The following ILKAP variants were observed in gnomAD, a reference collection of about 807,000 sequenced individuals.
ILKAP encodes integrin-linked kinase-associated serine/threonine phosphatase 2C.
Under a neutral mutation model 49.1 loss-of-function variants are expected in ILKAP, and 11 were observed. That is an observed-to-expected ratio of 0.22 (90% CI 0.14 to 0.37). The LOEUF (loss-of-function observed/expected upper bound fraction) is 0.37. Among genes scored for constraint, ILKAP ranks in the 10% least tolerant of loss-of-function variants. The pLI is 1.00. For synonymous variants in ILKAP, 186 were observed against 192.8 expected (o/e 0.96, Z 0.29); for missense variants, 363 against 510.8 (o/e 0.71, Z 2.79).
intron 3 of ILKAP, among the ~76,000 whole-genome samples, chr2:238,190,779 G>A (rs1694086179): frequency 6.7e-6 from 1 of 149,912 alleles, no homozygotes; most frequent in Non-Finnish European, 1.5e-5. Flanking sequence ...AGTGGCACAT[G>A]CCTGCAGTCA....
intron 9 of ILKAP, 109 bp from the exon 10 acceptor site, chr2:238,173,762 G>A (rs992999943): frequency 2.1e-5 from 27 of 1,258,926 alleles, no homozygotes; most frequent in Middle Eastern, 1.9e-4. Flanking sequence ...GATACAGACT[G>A]TGGAATTCAC....
At chr2:238,177,292 G>A (rs919138900) in intron 9 of ILKAP, among the ~76,000 whole-genome samples, 5 of 152,158 alleles carry the variant, frequency 3.3e-5, no homozygotes, top group African/African-American at 1.2e-4. Flanking sequence ...GCATGCAACA[G>A]GGAGTTTTTC....
chr2:238,179,021 T>C (rs1477314947), intron 9 of ILKAP, among the ~76,000 whole-genome samples: 1 of 152,206 alleles, frequency 6.6e-6, no homozygotes, highest in East Asian at 1.9e-4. Context: ...CAAATTGGTC[T>C]TGAACTCCTA....
chr2:238,196,143 G>C (rs1180116595), intron 1 of ILKAP, among the ~76,000 whole-genome samples: 1 of 142,394 alleles, frequency 7.0e-6, no homozygotes, highest in Non-Finnish European at 1.5e-5. Flanking sequence ...GCCCAGGCTG[G>C]AGTGCAGTAA....
At chr2:238,187,188 G>A (rs994178284) in intron 5 of ILKAP, 1 of 152,304 alleles carries the variant, frequency 6.6e-6, no homozygotes, top group South Asian at 2.1e-4. Context: ...AGGAGGTCAA[G>A]CCTGCAATGA....
chr2:238,198,644 T>C (rs1276499893), intron 1 of ILKAP, among the ~76,000 whole-genome samples: 2 of 152,088 alleles, frequency 1.3e-5, no homozygotes, highest in African/African-American at 4.8e-5. Context: ...CCTCCCCTAA[T>C]CTTAAAAATA....
chr2:238,189,542 G>C (rs1694037023), intron 4 of ILKAP: 1 of 182,760 alleles, frequency 5.5e-6, no homozygotes, highest in African/African-American at 2.4e-5. Flanking sequence ...GGAAGTCAGA[G>C]AGAGACTAGG....
At chr2:238,188,012 G>C (rs1693975021) in intron 5 of ILKAP, 119 bp downstream of exon 5, 16 of 1,147,212 alleles carry the variant, frequency 1.4e-5, no homozygotes, top group Non-Finnish European at 2.0e-5. Context: ...GAGAATCACT[G>C]ATGTACAATC....
At chr2:238,186,600 ATC>A (rs895135623) in intron 5 of ILKAP, 9 of 152,272 alleles carry the variant, frequency 5.9e-5, no homozygotes, top group Non-Finnish European at 1.3e-4. Context: ...AATTTTAAAT[ATC>A]TCATTTTTAA....
intron 5 of ILKAP, chr2:238,187,122 A>G (rs34953477): frequency 0.24 from 37,108 of 152,264 alleles, 5,662 homozygotes; most frequent in South Asian, 0.37. Flanking sequence ...CTGTGGTGGC[A>G]CATGCCTATG....
intron 9 of ILKAP, among the ~76,000 whole-genome samples, chr2:238,176,080 C>T (rs1291023508): frequency 6.6e-6 from 1 of 150,554 alleles, no homozygotes; most frequent in African/African-American, 2.4e-5. Flanking sequence ...ATTCTCTTTC[C>T]CCTTCCCTCA....
chr2:238,189,431 T>C (rs1441020916), intron 4 of ILKAP, among the ~76,000 whole-genome samples: 2 of 152,240 alleles, frequency 1.3e-5, no homozygotes, highest in African/African-American at 2.4e-5. Context: ...GTTACACAAC[T>C]GACTACAAAT....
chr2:238,198,538 C>T (rs1325290945), intron 1 of ILKAP, among the ~76,000 whole-genome samples: 1 of 152,110 alleles, frequency 6.6e-6, no homozygotes, highest in African/African-American at 2.4e-5. Context: ...TGCTCCAGGC[C>T]CTTACATTCT....
chr2:238,180,466 A>G (rs569915660), intron 9 of ILKAP, among the ~76,000 whole-genome samples: 79 of 152,374 alleles, frequency 5.2e-4, no homozygotes, highest in African/African-American at 1.6e-3. Context: ...ACACACATCT[A>G]TACAGACTAA....
chr2:238,184,566 AT>A (rs200708964), intron 6 of ILKAP, among the ~76,000 whole-genome samples: 2 of 150,618 alleles, frequency 1.3e-5, no homozygotes, highest in Non-Finnish European at 3.0e-5. Flanking sequence ...CCTTTTTTAA[AT>A]TTTTTTTTCT....
At chr2:238,190,585 C>T (rs1162605986) in intron 3 of ILKAP, among the ~76,000 whole-genome samples, 3 of 152,094 alleles carry the variant, frequency 2.0e-5, no homozygotes, top group East Asian at 1.9e-4. Context: ...TGTCTTCACC[C>T]GTGCGTAACA....
intron 7 of ILKAP, 63 bp downstream of exon 7, chr2:238,183,957 G>A (rs1163984269): frequency 8.9e-7 from 1 of 1,129,042 alleles, no homozygotes; most frequent in Non-Finnish European, 1.3e-6. Flanking sequence ...TCAGAAGACT[G>A]AAATGCATTT....
chr2:238,181,746 C>T (rs568368159), intron 9 of ILKAP, among the ~76,000 whole-genome samples: 46 of 152,100 alleles, frequency 3.0e-4, no homozygotes, highest in Admixed American at 5.2e-4. Context: ...CCTCAGCCTC[C>T]CGAGTAGCTG....
chr2:238,195,008 A>C, intron 1 of ILKAP, 138 bp from the exon 2 acceptor site: 1 of 639,206 alleles, frequency 1.6e-6, no homozygotes. Flanking sequence ...TGTTGGGCAA[A>C]TTTTTAAAAC....
Sources: gnomAD v4.1 joint callset for allele counts (sites outside exome capture counted in the v4.1 genomes callset) on GRCh38, gnomAD v4.1.1 for gene constraint, MANE v1.5 for transcripts, NCBI Gene and HGNC (gene_info 2026-07-23, HGNC 2026-07-21) for gene names.